RAP1GAP2: variants seen among roughly 807,000 people sequenced by gnomAD.
RAP1GAP2 encodes the protein RAP1 GTPase activating protein 2, also known as rap1 GTPase-activating protein 2.
A neutral mutation model predicts 95.0 loss-of-function variants in RAP1GAP2; 27 were observed. That is an observed-to-expected ratio of 0.28 (90% CI 0.21 to 0.39). RAP1GAP2 has a LOEUF of 0.39. Ranked by LOEUF, RAP1GAP2 falls within the 10% of genes least tolerant of loss-of-function variation. The probability of loss-of-function intolerance (pLI) is 1.00; values close to 1 mark genes in which losing one functional copy is unlikely to be tolerated. For missense variants in RAP1GAP2, 771 were observed against 970.0 expected, an observed-to-expected ratio of 0.79 and a Z score of 2.72; for synonymous variants, 373 against 380.9, an observed-to-expected ratio of 0.98 and a Z score of 0.24.
chr17:2,894,874 C>T (rs970221272), intron 2 of RAP1GAP2, among the ~76,000 whole-genome samples: 6 of 152,146 alleles, frequency 3.9e-5, no homozygotes, highest in Non-Finnish European at 8.8e-5. Flanking sequence ...CTTCCCCTGG[C>T]CCCTCCCTTC....
chr17:2,999,718 A>G (rs1204030826), intron 14 of RAP1GAP2, among the ~76,000 whole-genome samples: 1 of 151,742 alleles, frequency 6.6e-6, no homozygotes, highest in Non-Finnish European at 1.5e-5. Context: ...AGGCAGAGGC[A>G]GGAGGATTGT....
chr17:2,783,940 A>G (rs2068713457), intron 1 of RAP1GAP2, among the ~76,000 whole-genome samples: 1 of 152,202 alleles, frequency 6.6e-6, no homozygotes, highest in South Asian at 2.1e-4. Context: ...ATGCCCAGAA[A>G]GAGAGCCAGG....
chr17:2,919,456 A>G (rs1347509699), intron 3 of RAP1GAP2, among the ~76,000 whole-genome samples: 2 of 152,160 alleles, frequency 1.3e-5, no homozygotes, highest in Non-Finnish European at 2.9e-5. Flanking sequence ...GTTTGTCCCT[A>G]TCATAAGTTT....
At chr17:2,966,303 T>A (rs2044596612) in intron 8 of RAP1GAP2, among the ~76,000 whole-genome samples, 1 of 152,170 alleles carries the variant, frequency 6.6e-6, no homozygotes, top group African/African-American at 2.4e-5. Flanking sequence ...GAAAGGCATA[T>A]GGTTTCATGA....
intron 3 of RAP1GAP2, among the ~76,000 whole-genome samples, chr17:2,938,688 A>T (rs1467617014): frequency 6.6e-6 from 1 of 152,014 alleles, no homozygotes; most frequent in Admixed American, 6.6e-5. Flanking sequence ...CACCTTGGAT[A>T]AAAAAAATAA....
At chr17:2,889,889 A>ATATATATATTTTTTT (rs1408426152) in intron 2 of RAP1GAP2, among the ~76,000 whole-genome samples, 67 of 57,270 alleles carry the variant, frequency 1.2e-3, no homozygotes, top group African/African-American at 4.0e-3. Context: ...ATATATATAT[A>ATATATATATTTTTTT]TTTTTTTTTT....
Position 3,016,556 on chromosome 17 carries a change from G to A in RAP1GAP2, c.1495-1505G>A, listed in dbSNP as rs189760408. Among the ~76,000 whole-genome samples, 81 of 152,340 alleles carry A rather than the reference G, an allele frequency of 5.3e-4. 1 individual carries two copies. The Middle Eastern group carries it at 0.027, about 51-fold the overall frequency. On this transcript the variant is annotated intron_variant, in intron 17 of 24. Coordinates refer to ENST00000254695, the MANE Select transcript of RAP1GAP2 (RefSeq NM_015085.5). ...GTCTTTCAGCATCGCCCAATGTGAG[G>A]AATATGTCTTGGGCATTCCTCAGAG...
intron 1 of RAP1GAP2, among the ~76,000 whole-genome samples, chr17:2,756,196 C>A (rs761861381): frequency 4.6e-5 from 7 of 152,266 alleles, no homozygotes; most frequent in Non-Finnish European, 1.0e-4. Context: ...GAAGGCACCA[C>A]CCACAGCCCC....
chr17:2,910,706 A>G (rs1053398749), intron 3 of RAP1GAP2, among the ~76,000 whole-genome samples: 3 of 152,176 alleles, frequency 2.0e-5, no homozygotes, highest in Admixed American at 2.0e-4. Context: ...TCGAGTCAAC[A>G]GAATAAGTTA....
At chr17:2,852,513 G>T (rs2071901581) in intron 2 of RAP1GAP2, among the ~76,000 whole-genome samples, 1 of 152,150 alleles carries the variant, frequency 6.6e-6, no homozygotes, top group Admixed American at 6.6e-5. Context: ...TTCGTTTGCA[G>T]TCCCTCTCCC....
intron 17 of RAP1GAP2, among the ~76,000 whole-genome samples, chr17:3,013,346 T>C (rs923852407): frequency 3.9e-5 from 6 of 152,216 alleles, no homozygotes; most frequent in Non-Finnish European, 8.8e-5. Context: ...GGAGTTGTGA[T>C]GTCAGGATGG....
chr17:2,882,544 C>A (rs2073346959), intron 2 of RAP1GAP2, among the ~76,000 whole-genome samples: 1 of 151,178 alleles, frequency 6.6e-6, no homozygotes, highest in Admixed American at 6.6e-5. Flanking sequence ...CCCACCCTGG[C>A]CTCCCAAAGT....
chr17:2,832,289 T>G (rs947889577), intron 2 of RAP1GAP2, among the ~76,000 whole-genome samples: 1 of 150,436 alleles, frequency 6.6e-6, no homozygotes, highest in Non-Finnish European at 1.5e-5. Context: ...CCGGGCGCGG[T>G]GGCTCATGCC....
Position 3,030,946 on chromosome 17 carries a change from G to A in RAP1GAP2, c.2132G>A (p.Arg711Lys), listed in dbSNP as rs2047270328. Residue 711 changes from arginine to lysine, a missense_variant, in exon 23 of 25, where the codon AGA becomes AAA. Arg to Lys is a conservative substitution (Grantham distance 26, BLOSUM62 2). Coordinates refer to ENST00000254695, the MANE Select transcript of RAP1GAP2 (RefSeq NM_015085.5). ...PTDAKSRNSP[R>K]SNLKFRFDKL... The stretch of plus-strand genomic sequence containing the variant: ...GATGCCAAAAGCAGAAACTCCCCGA[G>A]ATCGAACCTGAAATTCCGCTTTGAC... 11 of 1,611,264 alleles carry A rather than the reference G, an allele frequency of 6.8e-6. No individual in the cohort carries two copies. Among genetic ancestry groups the A allele is most frequent in the Non-Finnish European group, 9.3e-6 (11 of 1,178,874 alleles).
In RAP1GAP2 at chr17:3,034,417, T is replaced by C; in HGVS notation, c.*1056T>C. On this transcript the variant is annotated 3_prime_UTR_variant, in exon 25 of 25. Coordinates refer to ENST00000254695, the MANE Select transcript of RAP1GAP2 (RefSeq NM_015085.5). The surrounding 1 kb of genome is among the most constrained non-coding windows in gnomAD (Gnocchi z 5.1). ...AGGAGAGAGGTGAGGGGGGGATGAC[T>C]TGCGGGTTCTGATCAGGCCCCTGGG... is the stretch of plus-strand genomic sequence containing the variant. 4.4e-6 allele frequency: 1 copy of C among 227,206 alleles called. No individual in the cohort carries two copies. Among genetic ancestry groups the C allele is most frequent in the Non-Finnish European group, 9.1e-6 (1 of 109,342 alleles). 14.1% of individuals were successfully genotyped at this position (227,206 alleles called of 1,614,324 possible).
chr17:2,877,509 AG>A lies in RAP1GAP2; in HGVS notation c.81-27773del, dbSNP rs745586861. Among the ~76,000 whole-genome samples, 75 of 152,218 alleles carry A rather than the reference AG, an allele frequency of 4.9e-4. 1 individual carries two copies. The highest frequency in any genetic ancestry group is 7.2e-4 in the Admixed American group (11 of 15,276). On this transcript the variant is annotated intron_variant, in intron 2 of 24. Transcript: ENST00000254695. ...ACACCTGTAATCCCAGCACTTTGGG[AG>A]GCCAAAGCGCGTGGATCACCTGAGG...
chr17:2,946,759 C>CT (rs1447322030), intron 3 of RAP1GAP2, among the ~76,000 whole-genome samples: 1 of 152,098 alleles, frequency 6.6e-6, no homozygotes, highest in African/African-American at 2.4e-5. Context: ...GCCTAGGAAA[C>CT]TTTTTTTATT....
chr17:2,872,565 G>A (rs1349298683), intron 2 of RAP1GAP2, among the ~76,000 whole-genome samples: 3 of 152,114 alleles, frequency 2.0e-5, no homozygotes, highest in African/African-American at 4.8e-5. Context: ...AGCCCTTCCC[G>A]GCAGTTTCTG....
At chr17:2,761,289 CTTT>C (rs1002992848) in intron 1 of RAP1GAP2, among the ~76,000 whole-genome samples, 4 of 106,324 alleles carry the variant, frequency 3.8e-5, no homozygotes, top group Non-Finnish European at 4.0e-5. Flanking sequence ...GGTCTTTTTT[CTTT>C]TTTTTTTTTT....
Sources: allele counts gnomAD v4.1 joint callset (sites outside exome capture counted in the v4.1 genomes callset), GRCh38; gene constraint gnomAD v4.1.1; non-coding constraint Gnocchi (gnomAD v3.1); transcripts MANE v1.5; gene names NCBI Gene and HGNC (gene_info 2026-07-23, HGNC 2026-07-21).